DAB1: variants seen among roughly 807,000 people sequenced by gnomAD.
The protein encoded by DAB1 is disabled homolog 1.
DAB1 carries 15 observed loss-of-function variants against 64.6 expected under a neutral mutation model. That is an observed-to-expected ratio of 0.23 (90% CI 0.16 to 0.36). DAB1 has a LOEUF of 0.36. Ranked by LOEUF, DAB1 falls within the 10% of genes least tolerant of loss-of-function variation. DAB1 has a pLI of 1.00. For synonymous variants in DAB1, 235 were observed against 251.9 expected, an observed-to-expected ratio of 0.93 and a Z score of 0.64; for missense variants, 596 against 706.7, an observed-to-expected ratio of 0.84 and a Z score of 1.78.
chr1:57,472,672 T>A (rs946453417), intron 7 of DAB1, among the ~76,000 whole-genome samples: 4 of 151,888 alleles, frequency 2.6e-5, no homozygotes, highest in Admixed American at 2.0e-4. Flanking sequence ...CCCCTTAGAG[T>A]TGTGAGCCCT....
intron 3 of DAB1, among the ~76,000 whole-genome samples, chr1:58,407,083 A>G (rs1644623904): frequency 6.6e-6 from 1 of 152,154 alleles, no homozygotes; most frequent in South Asian, 2.1e-4. Context: ...CTGTATGACA[A>G]AATGATTAAT....
rs150693848 is a variant in DAB1 at position 57,390,833 on chromosome 1, C to T, written c.-137+33097G>A. 2.5e-3 allele frequency among the ~76,000 whole-genome samples: 375 copies of T among 152,316 alleles called. 1 individual carries two copies. Among genetic ancestry groups the T allele is most frequent in the African/African-American group, 8.7e-3 (362 of 41,572 alleles). ...TGCTTACAAATGTTAGCCATGCATA[C>T]TATGATCCCAGGTCATTCTAAGGTG... is the stretch of plus-strand genomic sequence containing the variant. On this transcript the variant is annotated intron_variant, in intron 1 of 14. Coordinates refer to ENST00000371236, the MANE Select transcript of DAB1 (RefSeq NM_001365792.1).
chr1:58,253,180 A>C (rs1417520478), intron 4 of DAB1, among the ~76,000 whole-genome samples: 1 of 152,176 alleles, frequency 6.6e-6, no homozygotes. Context: ...AGTTTTAATT[A>C]CCTTATCTAA....
intron 5 of DAB1, among the ~76,000 whole-genome samples, chr1:57,964,653 A>T (rs1257533591): frequency 6.6e-6 from 1 of 152,208 alleles, no homozygotes; most frequent in East Asian, 1.9e-4. Context: ...CTGCAAGCTC[A>T]TTCATTTATT....
chr1:57,765,460 C>A (rs768636682), intron 6 of DAB1, among the ~76,000 whole-genome samples: 1 of 152,140 alleles, frequency 6.6e-6, no homozygotes, highest in African/African-American at 2.4e-5. Context: ...TTTGTAGGGA[C>A]AAAATGCCCG....
intron 2 of DAB1, among the ~76,000 whole-genome samples, chr1:57,230,357 A>G (rs1667581486): frequency 6.6e-6 from 1 of 151,728 alleles, no homozygotes; most frequent in South Asian, 2.1e-4. Context: ...TAAAGATGTT[A>G]AATGAATTAA....
At chr1:57,630,458 T>C (rs1459820407) in intron 7 of DAB1, among the ~76,000 whole-genome samples, 1 of 152,206 alleles carries the variant, frequency 6.6e-6, no homozygotes, top group African/African-American at 2.4e-5. Flanking sequence ...AAAAAAATGT[T>C]AGTTATTTGT....
intron 2 of DAB1, among the ~76,000 whole-genome samples, chr1:57,266,275 G>A (rs1263936336): frequency 1.3e-5 from 2 of 152,158 alleles, no homozygotes; most frequent in African/African-American, 2.4e-5. Flanking sequence ...CCCTTCATGA[G>A]TAGCAAATGA....
intron 1 of DAB1, among the ~76,000 whole-genome samples, chr1:57,348,328 G>A (rs933669988): frequency 6.6e-6 from 1 of 152,194 alleles, no homozygotes; most frequent in Non-Finnish European, 1.5e-5. Context: ...GAACAGGATA[G>A]AGGGAGGGCC....
chr1:57,680,188 C>T (rs1420376982), intron 6 of DAB1, among the ~76,000 whole-genome samples: 2 of 152,130 alleles, frequency 1.3e-5, no homozygotes, highest in East Asian at 1.9e-4. Context: ...AAATTAGGAT[C>T]GAAGATAGAA....
intron 1 of DAB1, among the ~76,000 whole-genome samples, chr1:57,842,890 G>A (rs1043026382): frequency 5.3e-5 from 8 of 152,106 alleles, no homozygotes; most frequent in African/African-American, 1.2e-4. Flanking sequence ...GTGTACAGTT[G>A]GGCAAAATCC....
chr1:57,402,931 C>T (rs1229903220), intron 1 of DAB1, among the ~76,000 whole-genome samples: 2 of 152,150 alleles, frequency 1.3e-5, no homozygotes, highest in Middle Eastern at 3.2e-3. Flanking sequence ...GCTCCCCTCA[C>T]CCCCAACCCC....
chr1:57,563,672 C>T (rs544475021), intron 7 of DAB1, among the ~76,000 whole-genome samples: 1 of 152,250 alleles, frequency 6.6e-6, no homozygotes, highest in Non-Finnish European at 1.5e-5. Flanking sequence ...GGTCCCATGC[C>T]CACAGAGCCT....
intron 9 of DAB1, among the ~76,000 whole-genome samples, chr1:57,029,854 T>A (rs1646912071): frequency 6.6e-6 from 1 of 152,216 alleles, no homozygotes; most frequent in Admixed American, 6.5e-5. Flanking sequence ...ATTTTACAGA[T>A]CATAGGCAGA....
At chr1:57,553,226 G>A (rs1283762564) in intron 7 of DAB1, among the ~76,000 whole-genome samples, 1 of 150,768 alleles carries the variant, frequency 6.6e-6, no homozygotes, top group Non-Finnish European at 1.5e-5. Flanking sequence ...GTTTTTAGTG[G>A]GGGAAAAAAT....
chr1:57,404,915 AAC>A (rs1372700108), intron 1 of DAB1, among the ~76,000 whole-genome samples: 3 of 152,194 alleles, frequency 2.0e-5, no homozygotes, highest in African/African-American at 7.2e-5. Context: ...TTTATATCCT[AAC>A]AGTTTTATAC....
rs141691572 is a variant in DAB1 at position 57,551,975 on chromosome 1, C to G, written n.625+97617G>C. Among the ~76,000 whole-genome samples the G allele has an allele frequency of 3.3e-5, 5 of 152,262 alleles. No homozygotes were observed. The East Asian group carries it at 9.7e-4, about 29-fold the overall frequency. On this transcript the variant is annotated intron_variant and non_coding_transcript_variant, in intron 7 of 20. Coordinates refer to the DAB1 transcript ENST00000485760. Reference sequence around the variant, plus strand: ...AAAAAATGCATTCACACTTTCAAACCAAGAGCGCACAGGAAGATGCAGAGC... The same window carrying G: ...AAAAAATGCATTCACACTTTCAAACGAAGAGCGCACAGGAAGATGCAGAGC...
chr1:57,975,077 C>T (rs535026976), intron 5 of DAB1, among the ~76,000 whole-genome samples: 17 of 152,060 alleles, frequency 1.1e-4, no homozygotes, highest in African/African-American at 3.4e-4. Context: ...GTGGGACCTT[C>T]GGGAGATTAA....
At chr1:57,616,848 C>T (rs1228116480) in intron 7 of DAB1, among the ~76,000 whole-genome samples, 2 of 152,102 alleles carry the variant, frequency 1.3e-5, no homozygotes, top group African/African-American at 4.8e-5. Context: ...GTGTCAGAAT[C>T]CCTGGGGAAC....
Sources: allele counts gnomAD v4.1 joint callset (sites outside exome capture counted in the v4.1 genomes callset), GRCh38; gene constraint gnomAD v4.1.1; transcripts MANE v1.5; gene names NCBI Gene and HGNC (gene_info 2026-07-23, HGNC 2026-07-21).